COL4A1: variants seen among roughly 807,000 people sequenced by gnomAD.
COL4A1 encodes collagen type IV alpha 1 chain.
A neutral mutation model predicts 216.6 loss-of-function variants in COL4A1; 40 were observed. The observed-to-expected ratio is 0.18, with a 90% CI of 0.14 to 0.24. The LOEUF (loss-of-function observed/expected upper bound fraction) is 0.24. COL4A1 is among the 10% of genes least tolerant of loss of function. The probability of loss-of-function intolerance (pLI) is 1.00; values close to 1 mark genes in which losing one functional copy is unlikely to be tolerated. For synonymous variants in COL4A1, 839 were observed against 810.7 expected, an observed-to-expected ratio of 1.03 and a Z score of -0.59; for missense variants, 1,628 against 2,196.8, an observed-to-expected ratio of 0.74 and a Z score of 5.18.
intron 1 of COL4A1, among the ~76,000 whole-genome samples, chr13:110,264,832 G>A (rs1882959844): frequency 1.3e-5 from 2 of 152,132 alleles, no homozygotes; most frequent in African/African-American, 4.8e-5. Context: ...GGGGATTGAA[G>A]GCCACTGGAG....
chr13:110,155,485 T>A, intron 49 of COL4A1, 88 bp from the exon 50 acceptor site: 1 of 813,548 alleles, frequency 1.2e-6, no homozygotes, highest in Non-Finnish European at 2.1e-6. Flanking sequence ...ACACTCAACA[T>A]CCTCACTCAG....
rs1307134121 is a variant in COL4A1, at chr13:110,173,970, G to C, written c.3435C>G (p.Gly1145=). 5 of 1,614,162 alleles carry C rather than the reference G, an allele frequency of 3.1e-6. No individual in the cohort carries two copies. The highest frequency in any genetic ancestry group is 4.2e-6 in the Non-Finnish European group (5 of 1,180,042). ...CTGGCTCCCCTTTCTGGCCAGCTGG[G>C]CCTGTGGGGCCAGGAGTCCCAGGAA... The part of the protein sequence containing the change: ...AGLPGTPGPT[G]PAGQKGEPGS... The change falls in exon 40 of 52, where the codon GGC becomes GGG. Residue 1145 remains glycine (G), a synonymous_variant. Transcript: ENST00000375820.
intron 50 of COL4A1, among the ~76,000 whole-genome samples, chr13:110,154,852 A>G (rs1372424995): frequency 1.3e-5 from 2 of 152,252 alleles, no homozygotes; most frequent in Non-Finnish European, 2.9e-5. Flanking sequence ...GGTCATACAG[A>G]GAAGCTAGTC....
intron 14 of COL4A1, 55 bp downstream of exon 14, chr13:110,206,810 C>A (rs1174262321): frequency 6.2e-7 from 1 of 1,611,890 alleles, no homozygotes; most frequent in African/African-American, 1.3e-5. Context: ...AAACTTGAAA[C>A]TTAAATCTTT....
At chr13:110,240,410 T>C (rs1157077223) in intron 2 of COL4A1, among the ~76,000 whole-genome samples, 1 of 152,230 alleles carries the variant, frequency 6.6e-6, no homozygotes, top group African/African-American at 2.4e-5. Context: ...CGGGCTCTGC[T>C]GACTCCCAGT....
chr13:110,219,894 A>ATATATATGTATATATATGTGTG (rs1880372780), intron 2 of COL4A1, among the ~76,000 whole-genome samples: 1 of 135,586 alleles, frequency 7.4e-6, no homozygotes, highest in Non-Finnish European at 1.5e-5. Context: ...ATATGTGTGT[A>ATATATATGTATATATATGTGTG]TATATATGTA....
chr13:110,192,726 C>A (rs1594566621), intron 23 of COL4A1, 104 bp downstream of exon 23: 2 of 923,378 alleles, frequency 2.2e-6, no homozygotes, highest in African/African-American at 1.7e-5. Context: ...TTAGGATTGG[C>A]TGCCGAAAAT....
At chr13:110,239,584 T>C (rs534059677) in intron 2 of COL4A1, among the ~76,000 whole-genome samples, 3 of 152,358 alleles carry the variant, frequency 2.0e-5, no homozygotes, top group African/African-American at 7.2e-5. Flanking sequence ...AGGCGTTCAG[T>C]TGCAGCTCAT....
intron 1 of COL4A1, among the ~76,000 whole-genome samples, chr13:110,263,069 C>T (rs75833314): frequency 7.9e-5 from 12 of 152,246 alleles, no homozygotes; most frequent in African/African-American, 2.2e-4. Flanking sequence ...GAACCCTGTC[C>T]GCTCTCCAAA....
chr13:110,269,212 G>A (rs2139287162), intron 1 of COL4A1, among the ~76,000 whole-genome samples: 1 of 152,316 alleles, frequency 6.6e-6, no homozygotes, highest in Non-Finnish European at 1.5e-5. Flanking sequence ...CCTGATGCCA[G>A]TAAAATAAGA....
intron 49 of COL4A1, 87 bp downstream of exon 49, chr13:110,161,105 T>C: frequency 7.2e-7 from 1 of 1,394,524 alleles, no homozygotes; most frequent in Non-Finnish European, 1.0e-6. Context: ...TTCAACGTTT[T>C]GGAGAAAAAT....
At chr13:110,245,391 A>G (rs1335581556) in intron 1 of COL4A1, among the ~76,000 whole-genome samples, 1 of 152,208 alleles carries the variant, frequency 6.6e-6, no homozygotes, top group Non-Finnish European at 1.5e-5. Flanking sequence ...AGATACCAAA[A>G]GGAAAACCCA....
intron 20 of COL4A1, among the ~76,000 whole-genome samples, chr13:110,200,613 G>T (rs1287818103): frequency 2.0e-5 from 3 of 152,156 alleles, no homozygotes; most frequent in Non-Finnish European, 4.4e-5. Flanking sequence ...AATAGATCTG[G>T]ATCCCCAGGA....
rs565720309 is a variant in COL4A1, at chr13:110,301,084, A to G, written c.84+5860T>C. On this transcript the variant is annotated intron_variant, in intron 1 of 51. Transcript: ENST00000375820. ...AGTGTTCAGCAGTGTACATATTTCC[A>G]AGTCATGTTTAGTCTGTGGTGGAAT... Among the ~76,000 whole-genome samples the G allele has an allele frequency of 2.0e-5, 3 of 152,348 alleles. No individual in the cohort carries two copies. In the South Asian group the frequency reaches 6.2e-4, roughly 32 times the overall value.
chr13:110,155,203 G>A (rs1876719386), intron 50 of COL4A1, 80 bp downstream of exon 50: 1 of 989,478 alleles, frequency 1.0e-6, no homozygotes, highest in Non-Finnish European at 1.6e-6. Flanking sequence ...ACTCCAAGGT[G>A]TGGAGGCACC....
At chr13:110,239,167 TATTG>T (rs1290655562) in intron 2 of COL4A1, among the ~76,000 whole-genome samples, 3 of 152,182 alleles carry the variant, frequency 2.0e-5, no homozygotes. Flanking sequence ...ATCTAGTATT[TATTG>T]ATTACTTGAA....
chr13:110,234,219 C>T (rs1440213906), intron 2 of COL4A1, among the ~76,000 whole-genome samples: 1 of 152,196 alleles, frequency 6.6e-6, no homozygotes, highest in East Asian at 1.9e-4. Context: ...GATGGGGGAA[C>T]TTACACTAGA....
intron 1 of COL4A1, among the ~76,000 whole-genome samples, chr13:110,283,207 A>G (rs1433389605): frequency 6.6e-6 from 1 of 152,240 alleles, no homozygotes; most frequent in Admixed American, 6.5e-5. Context: ...AAATAATATA[A>G]TATGTTCAGA....
intron 21 of COL4A1, among the ~76,000 whole-genome samples, chr13:110,197,689 G>T (rs1196694633): frequency 6.6e-6 from 1 of 152,178 alleles, no homozygotes; most frequent in Non-Finnish European, 1.5e-5. Context: ...CCCAACAGTG[G>T]CCTCATCCAT....
Sources: gnomAD v4.1 joint callset for allele counts (sites outside exome capture counted in the v4.1 genomes callset) on GRCh38, gnomAD v4.1.1 for gene constraint, MANE v1.5 for transcripts, NCBI Gene and HGNC (gene_info 2026-07-23, HGNC 2026-07-21) for gene names.